Variants in CTNNBL1 observed in about 807,000 individuals in gnomAD.
The protein encoded by CTNNBL1 is beta-catenin-like protein 1.
A neutral mutation model predicts 72.7 loss-of-function variants in CTNNBL1; 31 were observed. The observed-to-expected ratio is 0.43, with a 90% confidence interval of 0.32 to 0.58. The LOEUF is 0.58. Ranked by LOEUF, CTNNBL1 falls within the 20% of genes least tolerant of loss-of-function variation. The pLI is 0.08. For synonymous variants in CTNNBL1, 240 were observed against 267.3 expected (o/e 0.90, Z 1.00); for missense variants, 534 against 725.1 (o/e 0.74, Z 3.03).
At chr20:37,732,128 T>A (rs2073134151) in intron 1 of CTNNBL1, among the ~76,000 whole-genome samples, 1 of 152,236 alleles carries the variant, frequency 6.6e-6, no homozygotes, top group African/African-American at 2.4e-5. Flanking sequence ...GATAACTCAT[T>A]GTGATTTTTC....
At chr20:37,784,701 GA>G (rs2073656767) in intron 10 of CTNNBL1, among the ~76,000 whole-genome samples, 1 of 152,080 alleles carries the variant, frequency 6.6e-6, no homozygotes, top group Non-Finnish European at 1.5e-5. Context: ...TCTATGTCTT[GA>G]AAAGTTGTTG....
intron 11 of CTNNBL1, among the ~76,000 whole-genome samples, chr20:37,836,294 CTCAG>C (rs2072253025): frequency 6.6e-6 from 1 of 151,960 alleles, no homozygotes; most frequent in South Asian, 2.1e-4. Context: ...TTGGTGTAAA[CTCAG>C]ATCCAATGCT....
rs528728341 is a variant in CTNNBL1 at position 37,798,780 on chromosome 20, T to C, written c.1032-4087T>C. 2.6e-5 allele frequency among the ~76,000 whole-genome samples: 4 copies of C among 152,326 alleles called. No homozygotes were observed. In the East Asian group the frequency reaches 5.8e-4, roughly 22 times the overall value. ...AAACAGTTCTGTGTTATTTGTGAAA[T>C]GGTTTGAGCGTATGCTGAATGGTAA... On this transcript the variant is annotated intron_variant, in intron 10 of 15. Coordinates refer to ENST00000361383, the MANE Select transcript of CTNNBL1 (RefSeq NM_030877.5).
intron 10 of CTNNBL1, among the ~76,000 whole-genome samples, chr20:37,784,299 C>A (rs1331855589): frequency 6.6e-6 from 1 of 151,918 alleles, no homozygotes; most frequent in East Asian, 1.9e-4. Flanking sequence ...TTTTTTAATC[C>A]ATTCAGCCAC....
intron 1 of CTNNBL1, among the ~76,000 whole-genome samples, chr20:37,707,967 A>G (rs1196161312): frequency 6.6e-6 from 1 of 152,126 alleles, no homozygotes; most frequent in Non-Finnish European, 1.5e-5. Flanking sequence ...AGGCTGGTTG[A>G]GGCACTCAGA....
At chr20:37,766,648 G>A (rs2073471341) in intron 6 of CTNNBL1, among the ~76,000 whole-genome samples, 1 of 152,118 alleles carries the variant, frequency 6.6e-6, no homozygotes, top group South Asian at 2.1e-4. Context: ...TTGACAGGTG[G>A]AGGAGTGGGA....
chr20:37,788,315 C>T (rs1166974174), intron 10 of CTNNBL1, among the ~76,000 whole-genome samples: 1 of 152,086 alleles, frequency 6.6e-6, no homozygotes, highest in Non-Finnish European at 1.5e-5. Context: ...AAAAGATACA[C>T]CTTTGGTTTT....
In CTNNBL1 at chr20:37,853,551, C is replaced by T. The variant is rs149450742; in HGVS notation, c.1393-6348C>T. ...CATCACACACAGATAGCCAAGGAATCATCTCGAGTCCTTATCTCAAGATCA... is the reference window on the plus strand; with the variant it reads ...CATCACACACAGATAGCCAAGGAATTATCTCGAGTCCTTATCTCAAGATCA... On this transcript the variant is annotated intron_variant, in intron 13 of 15. Coordinates refer to ENST00000361383, the MANE Select transcript of CTNNBL1 (RefSeq NM_030877.5). Among the ~76,000 whole-genome samples, 86 of 152,342 alleles carry T rather than the reference C, an allele frequency of 5.6e-4. No homozygotes were observed. The East Asian group carries it at 0.016, about 28-fold the overall frequency.
At chr20:37,699,438 G>T (rs1024225764) in intron 1 of CTNNBL1, among the ~76,000 whole-genome samples, 2 of 152,226 alleles carry the variant, frequency 1.3e-5, no homozygotes, top group Admixed American at 6.5e-5. Context: ...ACTCAACCTA[G>T]GGAGGTCAAG....
chr20:37,827,073 A>G (rs374055755), intron 11 of CTNNBL1, among the ~76,000 whole-genome samples: 63 of 152,192 alleles, frequency 4.1e-4, no homozygotes, highest in African/African-American at 1.5e-3. Flanking sequence ...CTCATGTAGA[A>G]CCTCCTATCA....
At chr20:37,849,883 A>T (rs6096513) in intron 13 of CTNNBL1, among the ~76,000 whole-genome samples, 1 of 152,224 alleles carries the variant, frequency 6.6e-6, no homozygotes, top group African/African-American at 2.4e-5. Flanking sequence ...TGAGAATAAC[A>T]GTACCTATCA....
At chr20:37,799,152 CAG>C (rs948281151) in intron 10 of CTNNBL1, among the ~76,000 whole-genome samples, 21 of 152,256 alleles carry the variant, frequency 1.4e-4, no homozygotes, top group African/African-American at 4.8e-4. Context: ...TTGTTGTTGC[CAG>C]AGTCTCCTAA....
chr20:37,810,615 T>C (rs1014582934), intron 11 of CTNNBL1, among the ~76,000 whole-genome samples: 1 of 152,174 alleles, frequency 6.6e-6, no homozygotes, highest in Non-Finnish European at 1.5e-5. Flanking sequence ...TGTTCATTAG[T>C]GGTTGAAGAA....
At chr20:37,798,565 T>C (rs1226763182) in intron 10 of CTNNBL1, among the ~76,000 whole-genome samples, 1 of 152,222 alleles carries the variant, frequency 6.6e-6, no homozygotes, top group East Asian at 1.9e-4. Context: ...CCAGTGAATA[T>C]TCCAAAGTTC....
intron 11 of CTNNBL1, among the ~76,000 whole-genome samples, chr20:37,814,848 C>A (rs2072040986): frequency 6.6e-6 from 1 of 152,168 alleles, no homozygotes; most frequent in African/African-American, 2.4e-5. Context: ...TACTTTCTCT[C>A]TGTGCCACTA....
chr20:37,777,620 A>G (rs2073587551), intron 8 of CTNNBL1, 34 bp from the exon 9 acceptor site: 1 of 1,602,756 alleles, frequency 6.2e-7, no homozygotes, highest in South Asian at 1.1e-5. Context: ...AGTTAGGTTC[A>G]TTTTTTTTCT....
intron 10 of CTNNBL1, among the ~76,000 whole-genome samples, chr20:37,787,343 G>GGT (rs2073684642): frequency 4.7e-5 from 5 of 107,212 alleles, no homozygotes; most frequent in African/African-American, 7.3e-5. Context: ...ATAACTGTGT[G>GGT]TTTTTTTTTT....
At chr20:37,696,189 T>G (rs1195787804) in intron 1 of CTNNBL1, among the ~76,000 whole-genome samples, 1 of 152,186 alleles carries the variant, frequency 6.6e-6, no homozygotes, top group Admixed American at 6.5e-5. Flanking sequence ...ACAAGATTCT[T>G]GCTTTTGTGG....
rs1473509994 is a variant in CTNNBL1, at chr20:37,860,047, C to T, written c.1530+11C>T. 6.2e-7 allele frequency: 1 copy of T among 1,613,920 alleles called. No homozygotes were observed. Among genetic ancestry groups the T allele is most frequent in the Non-Finnish European group, 8.5e-7 (1 of 1,179,884 alleles). ...GCCAATGTCCCCCAGGTAGGAGGGT[C>T]TTCCCCTGGATGGGCTTATCCATCC... On this transcript the variant is annotated intron_variant, in intron 14 of 15. Coordinates refer to ENST00000361383, the MANE Select transcript of CTNNBL1 (RefSeq NM_030877.5).
Sources: allele counts gnomAD v4.1 joint callset (sites outside exome capture counted in the v4.1 genomes callset), GRCh38; gene constraint gnomAD v4.1.1; transcripts MANE v1.5; gene names NCBI Gene and HGNC (gene_info 2026-07-23, HGNC 2026-07-21).